CCNYL1: variants seen among roughly 807,000 people sequenced by gnomAD.
CCNYL1 encodes the protein cyclin Y like 1.
Under a neutral mutation model 44.2 loss-of-function variants are expected in CCNYL1, and 16 were observed. The ratio of observed to expected loss-of-function variants is 0.36; its 90% CI spans 0.25 to 0.55. The LOEUF (loss-of-function observed/expected upper bound fraction) is 0.55, where lower values mean the gene tolerates loss of function less well. CCNYL1 is among the 20% of genes least tolerant of loss of function. The pLI is 0.85. For missense variants in CCNYL1, 348 were observed against 451.8 expected (o/e 0.77, Z 2.08); for synonymous variants, 159 against 163.2 (o/e 0.97, Z 0.20).
intron 7 of CCNYL1, among the ~76,000 whole-genome samples, chr2:207,745,347 T>G (rs72962182): frequency 6.6e-6 from 1 of 152,198 alleles, no homozygotes; most frequent in Non-Finnish European, 1.5e-5. Context: ...AGAAAAGAAC[T>G]CTCACACTGA....
chr2:207,751,835 CAA>C (rs1196624397), intron 9 of CCNYL1, among the ~76,000 whole-genome samples: 3 of 136,342 alleles, frequency 2.2e-5, no homozygotes, highest in African/African-American at 8.4e-5. Context: ...GCCTGGGCAA[CAA>C]GAGCGAAACT....
chr2:207,724,379 A>C (rs76284159), intron 1 of CCNYL1, among the ~76,000 whole-genome samples: 1 of 152,176 alleles, frequency 6.6e-6, no homozygotes, highest in Non-Finnish European at 1.5e-5. Flanking sequence ...GTTTTACCAT[A>C]TTTGATGTAT....
intron 1 of CCNYL1, among the ~76,000 whole-genome samples, chr2:207,721,930 C>G (rs138321841): frequency 2.0e-5 from 3 of 152,182 alleles, no homozygotes; most frequent in African/African-American, 4.8e-5. Context: ...TGGGAAGTCC[C>G]AAGAGAAATG....
chr2:207,738,682 G>T (rs2091783675), intron 5 of CCNYL1, among the ~76,000 whole-genome samples: 1 of 151,434 alleles, frequency 6.6e-6, no homozygotes, highest in Admixed American at 6.6e-5. Flanking sequence ...ATTATGCATT[G>T]GTTATATGGA....
At chr2:207,740,825 C>A in intron 6 of CCNYL1, 119 bp downstream of exon 6, 1 of 659,384 alleles carries the variant, frequency 1.5e-6, no homozygotes, top group South Asian at 1.9e-5. Context: ...AATTAGAAAA[C>A]AATTTAAATT....
rs533148044 is a variant in CCNYL1, at chr2:207,751,779, G to A, written c.969+660G>A. 8.0e-4 allele frequency among the ~76,000 whole-genome samples: 121 copies of A among 152,024 alleles called. 4 individuals carry two copies. In the South Asian group the frequency reaches 0.011, roughly 14 times the overall value. Reference sequence around the variant, plus strand: ...TGAGGCAGGAGAATCGCTTGAACCCGGGAGGCGGAGGTTGTGGTGAGCTGA... The same window carrying A: ...TGAGGCAGGAGAATCGCTTGAACCCAGGAGGCGGAGGTTGTGGTGAGCTGA... On this transcript the variant is annotated intron_variant, in intron 9 of 9. Transcript: ENST00000295414.
At chr2:207,729,159 T>C (rs2105826216) in intron 3 of CCNYL1, among the ~76,000 whole-genome samples, 2 of 151,838 alleles carry the variant, frequency 1.3e-5, no homozygotes, top group South Asian at 4.2e-4. Context: ...AGAATTTTGT[T>C]TTCTTTGTTC....
intron 7 of CCNYL1, among the ~76,000 whole-genome samples, chr2:207,746,659 G>A (rs530581640): frequency 6.6e-6 from 1 of 152,218 alleles, no homozygotes; most frequent in African/African-American, 2.4e-5. Context: ...AAAAACAAAA[G>A]AAATTTGTCA....
chr2:207,725,865 TA>T (rs1436284474), intron 2 of CCNYL1, among the ~76,000 whole-genome samples: 1 of 152,236 alleles, frequency 6.6e-6, no homozygotes, highest in Non-Finnish European at 1.5e-5. Flanking sequence ...AAAAGCTATA[TA>T]CAACCAGGTT....
At chr2:207,734,404 A>G (rs1383706124) in intron 4 of CCNYL1, among the ~76,000 whole-genome samples, 1 of 152,250 alleles carries the variant, frequency 6.6e-6, no homozygotes, top group East Asian at 1.9e-4. Context: ...ACAGGTCTCA[A>G]ACAATGTGTA....
intron 7 of CCNYL1, 135 bp from the exon 8 acceptor site, chr2:207,746,912 G>A (rs1311366788): frequency 7.8e-6 from 5 of 637,062 alleles, no homozygotes; most frequent in Non-Finnish European, 1.3e-5. Context: ...GGAGGCGGAG[G>A]TTCTGTGAGC....
At position 207,754,934 on chromosome 2, in the gene CCNYL1, A is replaced by G. The variant is rs1302097895; in HGVS notation, c.*1236A>G. 1 of 152,198 alleles carries G rather than the reference A, an allele frequency of 6.6e-6. No individual in the cohort carries two copies. Among genetic ancestry groups the G allele is most frequent in the African/African-American group, 2.4e-5 (1 of 41,466 alleles). 9.4% of individuals were successfully genotyped at this position (152,198 alleles called of 1,614,324 possible). A position where few individuals can be genotyped will look rare whatever the true frequency, so the allele number is the denominator to read the frequency against. On this transcript the variant is annotated 3_prime_UTR_variant, in exon 10 of 10. Coordinates refer to ENST00000295414, the MANE Select transcript of CCNYL1 (RefSeq NM_001330218.2). ...TGTGGTGGTGCACGCCTATAGTCCC[A>G]GCTACTTGGGAGGCTGAGGCTGGAG...
intron 7 of CCNYL1, among the ~76,000 whole-genome samples, chr2:207,743,779 G>T (rs2091830335): frequency 6.6e-6 from 1 of 151,952 alleles, no homozygotes; most frequent in Non-Finnish European, 1.5e-5. Context: ...ATATTCACTG[G>T]GTGCCTACTC....
At chr2:207,722,176 G>T (rs901383416) in intron 1 of CCNYL1, among the ~76,000 whole-genome samples, 1 of 151,106 alleles carries the variant, frequency 6.6e-6, no homozygotes, top group South Asian at 2.1e-4. Context: ...GGGTTCAAGC[G>T]ATTCTTCTGC....
intron 7 of CCNYL1, among the ~76,000 whole-genome samples, 189 bp from the exon 8 acceptor site, chr2:207,746,858 C>A (rs1300923227): frequency 6.6e-6 from 1 of 152,100 alleles, no homozygotes; most frequent in Non-Finnish European, 1.5e-5. Context: ...TGCCTGTAAT[C>A]CCACCTAGTC....
intron 3 of CCNYL1, among the ~76,000 whole-genome samples, chr2:207,727,488 C>G (rs2091689601): frequency 6.6e-6 from 1 of 152,148 alleles, no homozygotes; most frequent in African/African-American, 2.4e-5. Flanking sequence ...CAGCCAAATG[C>G]AGTAGTAACC....
intron 1 of CCNYL1, among the ~76,000 whole-genome samples, chr2:207,723,122 A>G (rs2091653765): frequency 6.6e-6 from 1 of 152,226 alleles, no homozygotes; most frequent in African/African-American, 2.4e-5. Context: ...GGTCTTTTAC[A>G]TAAGAATAGT....
In CCNYL1 at chr2:207,711,907, C is replaced by T; in HGVS notation, c.11C>T (p.Thr4Met). 7.1e-7 allele frequency: 1 copy of T among 1,399,144 alleles called. No individual in the cohort carries two copies. The highest frequency in any genetic ancestry group is 9.3e-7 in the Non-Finnish European group (1 of 1,074,738). 86.7% of individuals were successfully genotyped at this position (1,399,144 alleles called of 1,614,324 possible). A position where few individuals can be genotyped will look rare whatever the true frequency, so the allele number is the denominator to read the frequency against. The change falls in exon 1 of 10, where the codon ACG becomes ATG. Residue 4 changes from threonine (T) to methionine (M), a missense_variant. Thr to Met is a moderately conservative substitution (Grantham distance 81). This residue lies in a region of CCNYL1 where 209 missense variants were observed against 247.7 expected (regional missense o/e 0.84). Transcript: ENST00000295414. ...GAGCGGAGGCTTCCCATGGGGAACA[C>T]GCTGACCTGTTGCGTGTCCCCCAAT... MGNTLTCCVSPNAS... is the reference protein window; with the variant it reads MGNMLTCCVSPNAS...
intron 1 of CCNYL1, among the ~76,000 whole-genome samples, chr2:207,718,769 A>G (rs1449333287): frequency 1.3e-5 from 2 of 152,246 alleles, no homozygotes; most frequent in African/African-American, 4.8e-5. Flanking sequence ...GGAATTTGGC[A>G]TAATCTCAAA....
Sources: allele counts gnomAD v4.1 joint callset (sites outside exome capture counted in the v4.1 genomes callset), GRCh38; gene constraint gnomAD v4.1.1; regional missense constraint gnomAD v4.1.1; transcripts MANE v1.5; gene names NCBI Gene and HGNC (gene_info 2026-07-23, HGNC 2026-07-21).